The following SCGN variants were observed in gnomAD, a reference collection of about 807,000 sequenced individuals.
The protein encoded by SCGN is secretagogin, EF-hand calcium binding protein.
A neutral mutation model predicts 39.7 loss-of-function variants in SCGN; 30 were observed. The observed-to-expected ratio is 0.76, with a 90% CI of 0.57 to 1.03. The LOEUF (loss-of-function observed/expected upper bound fraction) is 1.03. Ranked by LOEUF, SCGN falls within the 50% of genes least tolerant of loss-of-function variation. SCGN has a pLI of 0.00. For synonymous variants in SCGN, 106 were observed against 114.1 expected, an observed-to-expected ratio of 0.93 and a Z score of 0.45; for missense variants, 353 against 349.4, an observed-to-expected ratio of 1.01 and a Z score of -0.08.
At chr6:25,687,557 T>C (rs1195727050) in intron 7 of SCGN, among the ~76,000 whole-genome samples, 1 of 152,160 alleles carries the variant, frequency 6.6e-6, no homozygotes, top group Non-Finnish European at 1.5e-5. Flanking sequence ...TGGATTTGTG[T>C]ATTAGCTCTA....
chr6:25,660,238 G>A (rs1402327038), intron 2 of SCGN, among the ~76,000 whole-genome samples: 1 of 152,154 alleles, frequency 6.6e-6, no homozygotes, highest in Non-Finnish European at 1.5e-5. Context: ...CTTAGCAACT[G>A]GATGTGGCAG....
At chr6:25,680,408 C>A (rs1380842621) in intron 6 of SCGN, among the ~76,000 whole-genome samples, 1 of 152,168 alleles carries the variant, frequency 6.6e-6, no homozygotes, top group Non-Finnish European at 1.5e-5. Context: ...AAAAATTAGG[C>A]AAATGATTTT....
At chr6:25,667,622 T>C (rs182660837) in intron 4 of SCGN, among the ~76,000 whole-genome samples, 279 of 152,364 alleles carry the variant, frequency 1.8e-3, no homozygotes, top group Non-Finnish European at 3.0e-3. Flanking sequence ...GTCATATTGC[T>C]ACCATTGTCT....
At chr6:25,694,827 T>C (rs1759819413) in intron 10 of SCGN, among the ~76,000 whole-genome samples, 1 of 152,232 alleles carries the variant, frequency 6.6e-6, no homozygotes, top group African/African-American at 2.4e-5. Context: ...GAATTTCATA[T>C]TTCTTGGCTT....
intron 10 of SCGN, among the ~76,000 whole-genome samples, chr6:25,691,579 A>G (rs1759773979): frequency 6.6e-6 from 1 of 152,154 alleles, no homozygotes; most frequent in Non-Finnish European, 1.5e-5. Context: ...CGGTTAAGAC[A>G]TTGCTGAGGT....
chr6:25,655,700 C>A (rs1405567247), intron 2 of SCGN, among the ~76,000 whole-genome samples: 2 of 152,110 alleles, frequency 1.3e-5, no homozygotes, highest in South Asian at 4.1e-4. Flanking sequence ...TAGGTCTCAT[C>A]CTGTAGGTAT....
At chr6:25,661,389 T>G (rs1046051164) in intron 2 of SCGN, among the ~76,000 whole-genome samples, 163 bp from the exon 3 acceptor site, 5 of 152,198 alleles carry the variant, frequency 3.3e-5, no homozygotes, top group African/African-American at 1.2e-4. Context: ...CCAGCATTGC[T>G]CTCTCTTCTA....
At chr6:25,682,089 G>A in intron 7 of SCGN, 83 bp downstream of exon 7, 2 of 1,049,888 alleles carry the variant, frequency 1.9e-6, no homozygotes, top group East Asian at 2.4e-5. Context: ...TTTTGAGACT[G>A]GAGATCAAGC....
chr6:25,688,324 A>G (rs980725994), intron 7 of SCGN, among the ~76,000 whole-genome samples: 2 of 152,140 alleles, frequency 1.3e-5, no homozygotes, highest in Admixed American at 1.3e-4. Flanking sequence ...TATGAAGTCT[A>G]TATTCTTTGT....
chr6:25,695,178 T>C (rs563150801), intron 10 of SCGN, among the ~76,000 whole-genome samples: 179 of 152,372 alleles, frequency 1.2e-3, no homozygotes, highest in African/African-American at 3.4e-3. Context: ...CCTCTGTCAA[T>C]CTGATAAGAT....
At chr6:25,658,002 CCTTTTTTTTTTTTTTTTTTTTTTTTTT>C (rs753059070) in intron 2 of SCGN, among the ~76,000 whole-genome samples, 2,354 of 47,648 alleles carry the variant, frequency 0.049, 395 homozygotes, top group African/African-American at 0.065. Flanking sequence ...AGAAAGGTAT[CCTTTTTTTTTTTTTTTTTTTTTTTTTT>C]TTTTTTTTTT....
rs764885798 is a variant in SCGN at position 25,681,993 on chromosome 6, A to G, written c.514A>G (p.Asn172Asp). The part of the protein sequence containing the change: ...DRNKDGRLDL[N>D]DLARILALQE... ...AAATAAAGATGGTCGGTTGGATCTA[A>G]ATGACTTAGCAAGGTGAGTTACATG... Residue 172 changes from asparagine (N) to aspartate (D), a missense_variant, in exon 7 of 11, where the codon AAT (asparagine) becomes GAT (aspartate). Coordinates refer to ENST00000377961, the MANE Select transcript of SCGN (RefSeq NM_006998.4). 1 of 1,613,058 alleles carries G rather than the reference A, an allele frequency of 6.2e-7. No homozygotes were observed. The highest frequency in any genetic ancestry group is 2.2e-5 in the East Asian group (1 of 44,870).
At chr6:25,654,681 C>A (rs1339841599) in intron 2 of SCGN, among the ~76,000 whole-genome samples, 1 of 144,546 alleles carries the variant, frequency 6.9e-6, no homozygotes, top group African/African-American at 2.4e-5. Context: ...TTTATTTCTC[C>A]TTTCTTCTTT....
In SCGN at chr6:25,701,344, TG is replaced by T; in HGVS notation, c.*10del. ...TGAAAATCAACCCATAATCCCAGAC[TG>T]CTTTGCCTTTTGCTCTTACTATGTT... On this transcript the variant is annotated 3_prime_UTR_variant, in exon 11 of 11. Transcript: ENST00000377961. 6.2e-7 allele frequency: 1 copy of T among 1,609,130 alleles called. No homozygotes were observed. Among genetic ancestry groups the T allele is most frequent in the Non-Finnish European group, 8.5e-7 (1 of 1,178,014 alleles).
intron 10 of SCGN, among the ~76,000 whole-genome samples, chr6:25,698,219 G>A (rs1472990606): frequency 6.6e-6 from 1 of 152,084 alleles, no homozygotes. Flanking sequence ...AGGTCCAAAG[G>A]AACTTCCTTT....
intron 2 of SCGN, 87 bp from the exon 3 acceptor site, chr6:25,661,465 C>A: frequency 1.1e-6 from 1 of 899,108 alleles, no homozygotes; most frequent in South Asian, 1.5e-5. Flanking sequence ...ACATAATTTT[C>A]ACGCTGTATA....
chr6:25,678,867 C>G (rs1225760579), intron 6 of SCGN: 1 of 155,152 alleles, frequency 6.4e-6, no homozygotes, highest in African/African-American at 2.4e-5. Flanking sequence ...CTTTGCCTTC[C>G]CCTTGTCTTC....
At chr6:25,684,452 G>A (rs1298857836) in intron 7 of SCGN, among the ~76,000 whole-genome samples, 1 of 152,136 alleles carries the variant, frequency 6.6e-6, no homozygotes, top group Non-Finnish European at 1.5e-5. Context: ...TTCAAAACCA[G>A]TTTGATACGG....
At chr6:25,689,298 C>A in intron 8 of SCGN, 81 bp downstream of exon 8, 1 of 1,191,866 alleles carries the variant, frequency 8.4e-7, no homozygotes. Flanking sequence ...GAAAGGAAGG[C>A]ATCTATTTGC....
Sources: allele counts gnomAD v4.1 joint callset (sites outside exome capture counted in the v4.1 genomes callset), GRCh38; gene constraint gnomAD v4.1.1; transcripts MANE v1.5; gene names NCBI Gene and HGNC (gene_info 2026-07-23, HGNC 2026-07-21).